Variants in GYPB observed in about 807,000 individuals in gnomAD.
The protein encoded by GYPB is glycophorin B (MNS blood group), also known as glycophorin-B.
Under a neutral mutation model 15.3 loss-of-function variants are expected in GYPB, and 13 were observed. The ratio of observed to expected loss-of-function variants is 0.85; its 90% confidence interval spans 0.55 to 1.35. The LOEUF (loss-of-function observed/expected upper bound fraction) is 1.35. GYPB is among the 40% of genes most tolerant of loss of function. The pLI is 0.00. For missense variants in GYPB, 131 were observed against 108.3 expected, an observed-to-expected ratio of 1.21 and a Z score of -0.93; for synonymous variants, 38 against 36.9, an observed-to-expected ratio of 1.03 and a Z score of -0.11.
Position 144,005,924 on chromosome 4 carries a change from A to T in GYPB, c.38-4641T>A, listed in dbSNP as rs529341419. On this transcript the variant is annotated intron_variant, in intron 1 of 4. Transcript: ENST00000502664. ...AAATAGCATGGGCTAACATATGGAGAAAGGGGAGTATAACATGCATTGATG... is the reference window on the plus strand; with the variant it reads ...AAATAGCATGGGCTAACATATGGAGTAAGGGGAGTATAACATGCATTGATG... 2.7e-4 allele frequency among the ~76,000 whole-genome samples: 41 copies of T among 151,608 alleles called. 2 individuals carry two copies. The highest frequency in any genetic ancestry group is 9.8e-4 in the African/African-American group (40 of 40,876).
At chr4:144,010,542 T>G (rs1728161696) in intron 1 of GYPB, among the ~76,000 whole-genome samples, 1 of 151,390 alleles carries the variant, frequency 6.6e-6, no homozygotes, top group South Asian at 2.1e-4. Flanking sequence ...AAGGTATTAT[T>G]TTGTGGAATT....
At chr4:144,016,163 AAAAAAAAG>A (rs1191115599) in intron 1 of GYPB, among the ~76,000 whole-genome samples, 1 of 149,662 alleles carries the variant, frequency 6.7e-6, no homozygotes, top group Non-Finnish European at 1.5e-5. Flanking sequence ...AAAAAAAAAA[AAAAAAAAG>A]AGATGCCTTG....
chr4:143,997,657 G>A (rs1192061088), intron 3 of GYPB, 23 bp from the exon 4 acceptor site: 3 of 1,184,796 alleles, frequency 2.5e-6, no homozygotes, highest in Middle Eastern at 1.9e-4. Flanking sequence ...GCAAAATTAT[G>A]AAAGTCTGAA....
downstream of GYPB, among the ~76,000 whole-genome samples, chr4:143,995,423 C>G (rs186434135): frequency 5.9e-5 from 9 of 151,456 alleles, no homozygotes; most frequent in Admixed American, 5.9e-4. Context: ...GACACTCCTT[C>G]TGACTCCAAG....
At chr4:143,996,884 AAGTTTT>A (rs1296171939) in intron 4 of GYPB, among the ~76,000 whole-genome samples, 1 of 75,010 alleles carries the variant, frequency 1.3e-5, no homozygotes, top group African/African-American at 5.3e-5. Context: ...AGAAAGGCAA[AAGTTTT>A]ATTTTATTTT....
chr4:144,009,683 C>G (rs9998909), intron 1 of GYPB, among the ~76,000 whole-genome samples: 135,338 of 139,132 alleles, frequency 0.97, 66,099 homozygotes, highest in East Asian at 1. Flanking sequence ...GCCCGATCTC[C>G]GCTCACTGCA....
chr4:144,012,104 G>A (rs1728248612), intron 1 of GYPB, among the ~76,000 whole-genome samples: 1 of 151,936 alleles, frequency 6.6e-6, no homozygotes. Flanking sequence ...TAACATAACA[G>A]CCACACAGTT....
At chr4:144,014,032 G>A (rs778844895) in intron 1 of GYPB, among the ~76,000 whole-genome samples, 23 of 151,528 alleles carry the variant, frequency 1.5e-4, no homozygotes, top group Non-Finnish European at 2.6e-4. Flanking sequence ...TTAGGAAAAT[G>A]CAAGAAACCA....
At chr4:144,017,416 A>C (rs1728563924) in intron 1 of GYPB, among the ~76,000 whole-genome samples, 1 of 150,898 alleles carries the variant, frequency 6.6e-6, no homozygotes, top group Admixed American at 6.6e-5. Context: ...TGGGGGAAAA[A>C]CTTGATCTTC....
intron 1 of GYPB, among the ~76,000 whole-genome samples, chr4:144,008,993 C>T (rs1231796463): frequency 6.6e-6 from 1 of 151,444 alleles, no homozygotes; most frequent in Non-Finnish European, 1.5e-5. Flanking sequence ...ATAAAGTGAA[C>T]AGCTACAGTA....
intron 1 of GYPB, among the ~76,000 whole-genome samples, chr4:144,013,312 C>A (rs921409480): frequency 6.6e-6 from 1 of 150,946 alleles, no homozygotes; most frequent in African/African-American, 2.5e-5. Flanking sequence ...CACTTTTACA[C>A]TGTTGGTGGG....
At position 144,015,976 on chromosome 4, in the gene GYPB, T is replaced by C. The variant is rs1171336804; in HGVS notation, c.37+3275A>G. Among the ~76,000 whole-genome samples, 8 of 150,974 alleles carry C rather than the reference T, an allele frequency of 5.3e-5. No homozygotes were observed. In the East Asian group the frequency reaches 7.8e-4, roughly 15 times the overall value. ...CATTTGTCATTTTGAGTAGTTGATA[T>C]TGACTGCCTACTATGTGGCTGACAA... On this transcript the variant is annotated intron_variant, in intron 1 of 4. Transcript: ENST00000502664.
chr4:143,995,625 T>G (rs1040933950), downstream of GYPB, among the ~76,000 whole-genome samples: 3 of 151,066 alleles, frequency 2.0e-5, no homozygotes, highest in African/African-American at 7.4e-5. Context: ...CCAGAGTTCA[T>G]TTGAAAGTCA....
At chr4:143,996,812 A>G (rs1727337951) in intron 4 of GYPB, among the ~76,000 whole-genome samples, 1 of 151,262 alleles carries the variant, frequency 6.6e-6, no homozygotes, top group South Asian at 2.1e-4. Flanking sequence ...AAAAAAAATC[A>G]CTGATGTTAA....
At chr4:144,013,872 G>GTAAC (rs369331162) in intron 1 of GYPB, among the ~76,000 whole-genome samples, 1,904 of 150,922 alleles carry the variant, frequency 0.013, 115 homozygotes, top group African/African-American at 0.045. Flanking sequence ...GTATACATAT[G>GTAAC]TAACCTGCAC....
intron 2 of GYPB, chr4:144,000,623 G>A: frequency 3.3e-6 from 1 of 306,616 alleles, no homozygotes; most frequent in South Asian, 3.0e-5. Flanking sequence ...AAGAGAGACT[G>A]CCACCAGATT....
chr4:144,005,535 T>A (rs1334463365), intron 1 of GYPB, among the ~76,000 whole-genome samples: 4 of 151,808 alleles, frequency 2.6e-5, no homozygotes, highest in African/African-American at 9.8e-5. Context: ...TACCCCTCAG[T>A]GTCCTTATAC....
intron 1 of GYPB, among the ~76,000 whole-genome samples, chr4:144,017,835 T>C (rs1266595744): frequency 1.3e-5 from 2 of 151,448 alleles, no homozygotes; most frequent in Non-Finnish European, 1.5e-5. Flanking sequence ...CATATACAAA[T>C]ATTACACTAC....
At chr4:144,008,040 C>A (rs1390304637) in intron 1 of GYPB, among the ~76,000 whole-genome samples, 1 of 151,510 alleles carries the variant, frequency 6.6e-6, no homozygotes, top group African/African-American at 2.5e-5. Context: ...ACACTTACTT[C>A]ATTCCACACA....
Sources: gnomAD v4.1 joint callset for allele counts (sites outside exome capture counted in the v4.1 genomes callset) on GRCh38, gnomAD v4.1.1 for gene constraint, MANE v1.5 for transcripts, NCBI Gene and HGNC (gene_info 2026-07-23, HGNC 2026-07-21) for gene names.